RNLS: variants seen among roughly 807,000 people sequenced by gnomAD.
RNLS encodes the protein renalase, FAD dependent amine oxidase.
A neutral mutation model predicts 39.8 loss-of-function variants in RNLS; 39 were observed. The ratio of observed to expected loss-of-function variants is 0.98; its 90% CI spans 0.76 to 1.28. The LOEUF (loss-of-function observed/expected upper bound fraction) is 1.28. Ranked by LOEUF, RNLS falls within the 50% of genes most tolerant of loss-of-function variation. RNLS has a pLI of 0.00. For synonymous variants in RNLS, 147 were observed against 150.7 expected, an observed-to-expected ratio of 0.98 and a Z score of 0.18; for missense variants, 410 against 413.3, an observed-to-expected ratio of 0.99 and a Z score of 0.07.
chr10:88,575,195 AC>A (rs1357966381), intron 3 of RNLS, among the ~76,000 whole-genome samples: 6 of 68,150 alleles, frequency 8.8e-5, no homozygotes, highest in Middle Eastern at 6.1e-3. Flanking sequence ...ATATATATAT[AC>A]TATATATATA....
chr10:88,475,846 CAAAAATTA>C (rs1843794223), intron 4 of RNLS, among the ~76,000 whole-genome samples: 1 of 151,950 alleles, frequency 6.6e-6, no homozygotes, highest in South Asian at 2.1e-4. Flanking sequence ...GGCTGCATTT[CAAAAATTA>C]AAAAATTAAG....
chr10:88,309,631 T>A (rs925534365), intron 6 of RNLS, among the ~76,000 whole-genome samples: 1 of 152,194 alleles, frequency 6.6e-6, no homozygotes, highest in Non-Finnish European at 1.5e-5. Flanking sequence ...GGGCAAAGAC[T>A]TCCTTGTTTA....
chr10:88,231,942 C>CTGTGTGTGTGTGTGTGTGTGTGTGTG, the RNLS span, among the ~76,000 whole-genome samples: 485 of 149,748 alleles, frequency 3.2e-3, 7 homozygotes, highest in East Asian at 4.7e-3. Context: ...CACAGGATTT[C>CTGTGTGTGTGTGTGTGTGTGTGTGTG]TGTGTGTGTG....
At chr10:88,491,714 T>C (rs996832623) in intron 4 of RNLS, among the ~76,000 whole-genome samples, 3 of 152,200 alleles carry the variant, frequency 2.0e-5, no homozygotes, top group Non-Finnish European at 2.9e-5. Context: ...TTCCTCATTA[T>C]GAACAAACAA....
At chr10:88,250,500 G>A in the RNLS span, among the ~76,000 whole-genome samples, 4 of 152,158 alleles carry the variant, frequency 2.6e-5, no homozygotes, top group Non-Finnish European at 2.9e-5. Flanking sequence ...GGTGGACTGT[G>A]GGGAGCATTT....
chr10:88,332,718 C>T (rs960606854), intron 5 of RNLS, among the ~76,000 whole-genome samples: 4 of 152,150 alleles, frequency 2.6e-5, no homozygotes, highest in African/African-American at 9.7e-5. Context: ...TACAGGTTAA[C>T]TATCTATTTT....
the RNLS span, among the ~76,000 whole-genome samples, chr10:88,233,487 G>A: frequency 6.6e-6 from 1 of 152,190 alleles, no homozygotes. Context: ...TTACTGACCT[G>A]ACTTTCCCTG....
chr10:88,462,674 G>A (rs976948748), intron 4 of RNLS, among the ~76,000 whole-genome samples: 4 of 151,924 alleles, frequency 2.6e-5, no homozygotes, highest in Non-Finnish European at 4.4e-5. Flanking sequence ...TTAATATTGT[G>A]GAAGCAGAGA....
the RNLS span, among the ~76,000 whole-genome samples, chr10:88,183,161 A>T: frequency 6.6e-6 from 1 of 152,150 alleles, no homozygotes; most frequent in Non-Finnish European, 1.5e-5. Context: ...CAGGGGACCA[A>T]ATCCATATTT....
chr10:88,563,290 C>T (rs1849292659), intron 4 of RNLS, among the ~76,000 whole-genome samples: 1 of 152,256 alleles, frequency 6.6e-6, no homozygotes, highest in Middle Eastern at 3.4e-3. Context: ...TTCTACTCTA[C>T]ATCAACATAA....
At chr10:88,293,762 A>G (rs1281988249) in intron 6 of RNLS, among the ~76,000 whole-genome samples, 1 of 152,154 alleles carries the variant, frequency 6.6e-6, no homozygotes, top group East Asian at 1.9e-4. Flanking sequence ...AGTCTCTGTC[A>G]GTCTGAAGAA....
rs142121785 is a variant in RNLS, at chr10:88,302,445, G to T, written c.876+12021C>A. The stretch of plus-strand genomic sequence containing the variant: ...GATGAACTGGCCAATGTCTTTGAAG[G>T]TTGCCAGATTCAAAATTGCTATTAA... On this transcript the variant is annotated intron_variant, in intron 6 of 6. Coordinates refer to ENST00000331772, the MANE Select transcript of RNLS (RefSeq NM_001031709.3). 1.2e-3 allele frequency among the ~76,000 whole-genome samples: 188 copies of T among 152,276 alleles called. 3 individuals carry two copies. The East Asian group carries it at 0.024, about 19-fold the overall frequency.
chr10:88,468,350 C>T (rs544210970), intron 4 of RNLS, among the ~76,000 whole-genome samples: 1 of 152,310 alleles, frequency 6.6e-6, no homozygotes, highest in Admixed American at 6.5e-5. Flanking sequence ...CATCCCACTT[C>T]CTGGCTCTGT....
chr10:88,508,720 T>A (rs1030158682), intron 4 of RNLS, among the ~76,000 whole-genome samples: 1 of 152,010 alleles, frequency 6.6e-6, no homozygotes, highest in Non-Finnish European at 1.5e-5. Flanking sequence ...TTACCATAAT[T>A]CCCCTCTACT....
intron 4 of RNLS, among the ~76,000 whole-genome samples, chr10:88,432,514 A>G (rs1339352406): frequency 6.6e-6 from 1 of 151,134 alleles, no homozygotes; most frequent in African/African-American, 2.4e-5. Context: ...TTTGTTTTCT[A>G]TTTTCACCAT....
downstream of RNLS, among the ~76,000 whole-genome samples, chr10:88,280,577 A>G (rs1458114885): frequency 6.6e-6 from 1 of 152,176 alleles, no homozygotes; most frequent in Non-Finnish European, 1.5e-5. Flanking sequence ...AAAGGACTAC[A>G]TAGTAACTAT....
At chr10:88,420,056 AAATGAATG>A (rs1251837103) in intron 4 of RNLS, among the ~76,000 whole-genome samples, 51 of 43,112 alleles carry the variant, frequency 1.2e-3, no homozygotes, top group Non-Finnish European at 1.7e-3. Flanking sequence ...ATAAATAAAT[AAATGAATG>A]AATAAATAAA....
rs199837301 is a variant in RNLS at position 88,524,123 on chromosome 10, TA to T, written c.526+48779del. 7.7e-3 allele frequency among the ~76,000 whole-genome samples: 1,107 copies of T among 143,078 alleles called. 9 individuals are homozygous for T. Among genetic ancestry groups the T allele is most frequent in the Middle Eastern group, 0.055 (16 of 292 alleles). The allele number at this position is 143,078 out of a possible 152,430, so 93.9% of individuals were successfully genotyped here. ...CATCATTCCTTAAAACTGATTATAT[TA>T]AAAAAAAAAGCTCTTTAGGTTTCCT... On this transcript the variant is annotated intron_variant, in intron 4 of 6. Coordinates refer to ENST00000331772, the MANE Select transcript of RNLS (RefSeq NM_001031709.3).
chr10:88,442,772 T>G (rs1246557480), intron 4 of RNLS, among the ~76,000 whole-genome samples: 1 of 152,156 alleles, frequency 6.6e-6, no homozygotes, highest in Non-Finnish European at 1.5e-5. Flanking sequence ...TCCTCCTGAT[T>G]GATCATCTTG....
Sources: allele counts gnomAD v4.1 joint callset (sites outside exome capture counted in the v4.1 genomes callset), GRCh38; gene constraint gnomAD v4.1.1; transcripts MANE v1.5; gene names NCBI Gene and HGNC (gene_info 2026-07-23, HGNC 2026-07-21).